The following MAZ variants were observed in gnomAD, a reference collection of about 807,000 sequenced individuals.
MAZ encodes myc-associated zinc finger protein.
A neutral mutation model predicts 32.7 loss-of-function variants in MAZ; 4 were observed. The ratio of observed to expected loss-of-function variants is 0.12; its 90% confidence interval spans 0.06 to 0.28. The LOEUF (loss-of-function observed/expected upper bound fraction) is 0.28. Among genes scored for constraint, MAZ ranks in the 10% least tolerant of loss-of-function variants. The pLI is 1.00. For missense variants in MAZ, 763 were observed against 667.2 expected (o/e 1.14, Z -1.58); for synonymous variants, 510 against 297.6 (o/e 1.71, Z -7.35).
chr16:29,808,781 G>T (rs1423585288), intron 4 of MAZ, 40 bp downstream of exon 4: 2 of 1,600,818 alleles, frequency 1.2e-6, no homozygotes, highest in African/African-American at 1.3e-5. Context: ...GGGGCAGAGG[G>T]TGGGCGCCTG....
chr16:29,809,366 G>A (rs904581074), intron 4 of MAZ: 4 of 598,218 alleles, frequency 6.7e-6, no homozygotes, highest in Non-Finnish European at 1.2e-5. Flanking sequence ...CCCAGGCTCA[G>A]GGAGGGGCTG....
chr16:29,810,015 G>C lies in MAZ; in HGVS notation c.1280-62G>C, dbSNP rs1172444556. ...GGGGAAGCAGGCTGGGAAGGTGTGG[G>C]GTGAGGGCAAGGCTCTTGCCATTCA... On this transcript the variant is annotated intron_variant, in intron 4 of 4. Transcript: ENST00000322945. The C allele has an allele frequency of 3.8e-6, 6 of 1,559,476 alleles. No individual in the cohort carries two copies. The African/African-American group carries it at 4.1e-5, about 11-fold the overall frequency.
chr16:29,809,989 A>C (rs921876597), intron 4 of MAZ, 88 bp from the exon 5 acceptor site: 2 of 1,538,462 alleles, frequency 1.3e-6, no homozygotes, highest in African/African-American at 2.8e-5. Context: ...GCTGTGTCCC[A>C]GGGGAAGCAG....
chr16:29,809,963 T>C (rs1899822088), intron 4 of MAZ, 114 bp from the exon 5 acceptor site: 2 of 1,501,522 alleles, frequency 1.3e-6, no homozygotes, highest in Admixed American at 4.3e-5. Flanking sequence ...GGGGTCCAGA[T>C]AGGAAGTGAG....
At chr16:29,807,930 T>G (rs1314816971) in intron 2 of MAZ, 102 bp downstream of exon 2, 13 of 1,514,222 alleles carry the variant, frequency 8.6e-6, no homozygotes, top group Admixed American at 4.0e-5. Context: ...CTGCTGAGGC[T>G]GGGGAAGGGG....
At position 29,807,890 on chromosome 16, in the gene MAZ, C is replaced by T. The variant is rs1323937913; in HGVS notation, c.1043+62C>T. 7.0e-6 allele frequency: 11 copies of T among 1,571,756 alleles called. No individual in the cohort carries two copies. In the East Asian group the frequency reaches 9.0e-5, roughly 13 times the overall value. On this transcript the variant is annotated intron_variant, in intron 2 of 4. Transcript: ENST00000322945. ...GGAGGGAGGGACGCGACGGAGGTGG[C>T]CTGGCCGTGGCTGGCGGGGAGGGAG...
Position 29,810,609 on chromosome 16 carries a change from C to A in MAZ, c.*378C>A. 1.5e-6 allele frequency: 1 copy of A among 657,926 alleles called. No individual in the cohort carries two copies. The highest frequency in any genetic ancestry group is 2.8e-6 in the Non-Finnish European group (1 of 360,034). The allele number at this position is 657,926 out of a possible 1,614,324, so 40.8% of individuals were successfully genotyped here. A position where few individuals can be genotyped will look rare whatever the true frequency, so the allele number is the denominator to read the frequency against. On this transcript the variant is annotated 3_prime_UTR_variant, in exon 5 of 5. Coordinates refer to ENST00000322945, the MANE Select transcript of MAZ (RefSeq NM_002383.4). ...GACGGTCCTCTTCTCTCCTTCCAGT[C>A]CTCTCCCCCTGCTGTCTGCAGCCCC...
chr16:29,806,909 C>G lies in MAZ; in HGVS notation c.192+16C>G, dbSNP rs774862411. The G allele has an allele frequency of 1.0e-5, 13 of 1,272,240 alleles. No individual in the cohort carries two copies. Among genetic ancestry groups the G allele is most frequent in the Non-Finnish European group, 1.3e-5 (13 of 998,302 alleles). The allele number at this position is 1,272,240 out of a possible 1,614,324, so 78.8% of individuals were successfully genotyped here. A position where few individuals can be genotyped will look rare whatever the true frequency, so the allele number is the denominator to read the frequency against. On this transcript the variant is annotated intron_variant, in intron 1 of 4. Transcript: ENST00000322945. ...TCCATTCCAGGTGAGTAGGGCCGGC[C>G]GCGGCGGCCCGGGCTGGGGGGGGAC...
chr16:29,806,712 T>G lies in MAZ; in HGVS notation c.11T>G (p.Val4Gly). 3.8e-6 allele frequency: 5 copies of G among 1,313,894 alleles called. No individual in the cohort carries two copies. The highest frequency in any genetic ancestry group is 4.9e-6 in the Non-Finnish European group (5 of 1,011,974). 81.4% of individuals were successfully genotyped at this position (1,313,894 alleles called of 1,614,324 possible). Residue 4 changes from valine to glycine, a missense_variant, in exon 1 of 5, where the codon GTG (valine) becomes GGG (glycine). Coordinates refer to ENST00000322945, the MANE Select transcript of MAZ (RefSeq NM_002383.4). MFP[V>G]FPCTLLAPPF... ...GCTGCGGCCGAGGCCATGTTCCCGG[T>G]GTTTCCTTGCACGCTGCTGGCCCCC...
Position 29,807,097 on chromosome 16 carries a change from CGCT to C in MAZ, c.318_320del (p.Ala108del). ...CCGCGGCTGCTGCGGCCGCTGCCGC[CGCT>C]GCTGCCGCCGTCGCTGCCGCGCCCC... On this transcript the variant is annotated inframe_deletion, in exon 2 of 5. Transcript: ENST00000322945. The C allele has an allele frequency of 1.0e-6, 1 of 995,536 alleles. No homozygotes were observed. The highest frequency in any genetic ancestry group is 4.4e-5 in the South Asian group (1 of 22,948). 61.7% of individuals were successfully genotyped at this position (995,536 alleles called of 1,614,324 possible). A position where few individuals can be genotyped will look rare whatever the true frequency, so the allele number is the denominator to read the frequency against.
At position 29,810,216 on chromosome 16, in the gene MAZ, C is replaced by T. The variant is rs747521777; in HGVS notation, c.1419C>T (p.Pro473=). 8 of 1,594,822 alleles carry T rather than the reference C, an allele frequency of 5.0e-6. No homozygotes were observed. Among genetic ancestry groups the T allele is most frequent in the South Asian group, 1.1e-5 (1 of 89,324 alleles). The change falls in exon 5 of 5, where the codon CCC becomes CCT. Residue 473 remains proline, a synonymous_variant. Coordinates refer to ENST00000322945, the MANE Select transcript of MAZ (RefSeq NM_002383.4). ...EGVPVSSQPL[P]SQPW ...TGCCTGTGAGCTCTCAGCCACTTCC[C>T]TCCCAACCCTGGTGAGCTCCAAGTT...
At chr16:29,809,331 G>C (rs1450463710) in intron 4 of MAZ, 1 of 581,314 alleles carries the variant, frequency 1.7e-6, no homozygotes, top group Non-Finnish European at 3.0e-6. Flanking sequence ...CCAAGGCTGA[G>C]AAGCGGGCAC....
Position 29,810,620 on chromosome 16 carries a change from G to A in MAZ, c.*389G>A, listed in dbSNP as rs1419537141. 1 of 627,856 alleles carries A rather than the reference G, an allele frequency of 1.6e-6. No individual in the cohort carries two copies. The highest frequency in any genetic ancestry group is 2.9e-5 in the East Asian group (1 of 34,560). The allele number at this position is 627,856 out of a possible 1,614,324, so 38.9% of individuals were successfully genotyped here. On this transcript the variant is annotated 3_prime_UTR_variant, in exon 5 of 5. Transcript: ENST00000322945. ...TCTCTCCTTCCAGTCCTCTCCCCCT[G>A]CTGTCTGCAGCCCCTCCCCGGGGAG...
intron 4 of MAZ, chr16:29,809,134 C>T: frequency 2.0e-6 from 1 of 505,432 alleles, no homozygotes; most frequent in East Asian, 3.4e-5. Flanking sequence ...AGCACGCACC[C>T]TGCACGGGTA....
At position 29,807,118 on chromosome 16, in the gene MAZ, C is replaced by A; in HGVS notation, c.333C>A (p.Ala111=). 2 of 1,019,052 alleles carry A rather than the reference C, an allele frequency of 2.0e-6. No individual in the cohort carries two copies. The highest frequency in any genetic ancestry group is 2.4e-6 in the Non-Finnish European group (2 of 837,236). 63.1% of individuals were successfully genotyped at this position (1,019,052 alleles called of 1,614,324 possible). A position where few individuals can be genotyped will look rare whatever the true frequency, so the allele number is the denominator to read the frequency against. The change falls in exon 2 of 5, where the codon GCC becomes GCA. Residue 111 remains alanine, a synonymous_variant. Transcript: ENST00000322945. The part of the protein sequence containing the change: ...AAAAAAAAVA[A]APPAPAAAST... ...CCGCCGCTGCTGCCGCCGTCGCTGCCGCGCCCCCGGCCCCTGCCGCCGCCT... is the reference window on the plus strand; with the variant it reads ...CCGCCGCTGCTGCCGCCGTCGCTGCAGCGCCCCCGGCCCCTGCCGCCGCCT...
At chr16:29,809,457 C>T in intron 4 of MAZ, 3 of 854,442 alleles carry the variant, frequency 3.5e-6, no homozygotes, top group South Asian at 2.9e-5. Flanking sequence ...CTGAGGAGGG[C>T]ATCCCCCGCC....
At position 29,809,833 on chromosome 16, in the gene MAZ, A is replaced by G. The variant is rs945447399; in HGVS notation, c.1280-244A>G. The G allele has an allele frequency of 9.3e-5, 91 of 977,004 alleles. 1 individual carries two copies. The highest frequency in any genetic ancestry group is 6.6e-5 in the African/African-American group (4 of 61,014). 60.5% of individuals were successfully genotyped at this position (977,004 alleles called of 1,614,324 possible). A position where few individuals can be genotyped will look rare whatever the true frequency, so the allele number is the denominator to read the frequency against. ...GGGACAACGGGGCTCAAAGGGCCCAATAGGGGATCTCAGGAAGGCGAGGGA... is the reference window on the plus strand; with the variant it reads ...GGGACAACGGGGCTCAAAGGGCCCAGTAGGGGATCTCAGGAAGGCGAGGGA... On this transcript the variant is annotated intron_variant, in intron 4 of 4. Transcript: ENST00000322945.
At position 29,807,237 on chromosome 16, in the gene MAZ, C is replaced by T. The variant is rs1420620691; in HGVS notation, c.452C>T (p.Ala151Val). 8.6e-6 allele frequency: 12 copies of T among 1,392,558 alleles called. No individual in the cohort carries two copies. In the East Asian group the frequency reaches 9.2e-5, roughly 11 times the overall value. The allele number at this position is 1,392,558 out of a possible 1,614,324, so 86.3% of individuals were successfully genotyped here. A position where few individuals can be genotyped will look rare whatever the true frequency, so the allele number is the denominator to read the frequency against. ...CCCGCGGCCGAGGCCGCGCCCCCCG[C>T]CTCCGCCGCCACTATCGCCGCGGCG... ...SAPAAEAAPP[A>V]SAATIAAAAA... Residue 151 changes from alanine (A) to valine (V), a missense_variant, in exon 2 of 5, where the codon GCC becomes GTC. Physicochemically the swap from Ala to Val is moderately conservative, Grantham distance 64. Coordinates refer to ENST00000322945, the MANE Select transcript of MAZ (RefSeq NM_002383.4).
chr16:29,810,135 GGCAGCAGTA>G lies in MAZ; in HGVS notation c.1344_1352del (p.Val449_Ala451del), dbSNP rs745370728. On this transcript the variant is annotated inframe_deletion, in exon 5 of 5. Transcript: ENST00000322945. ...CGGCAGCGGCGGCAGCGGCAGCAGC[GGCAGCAGTA>G]GCAGCCCCTCCCACAGCTGTGGGCT... 379 of 1,609,842 alleles carry G rather than the reference GGCAGCAGTA, an allele frequency of 2.4e-4. 1 individual carries two copies. In the African/African-American group the frequency reaches 3.9e-3, roughly 16 times the overall value.
Sources: gnomAD v4.1 joint callset for allele counts on GRCh38, gnomAD v4.1.1 for gene constraint, MANE v1.5 for transcripts, NCBI Gene and HGNC (gene_info 2026-07-23, HGNC 2026-07-21) for gene names.